PTPRD: variants seen among roughly 807,000 people sequenced by gnomAD.
PTPRD encodes protein tyrosine phosphatase receptor type D, also known as receptor-type tyrosine-protein phosphatase delta.
A neutral mutation model predicts 214.5 loss-of-function variants in PTPRD; 34 were observed. That is an observed-to-expected ratio of 0.16 (90% CI 0.12 to 0.21). The LOEUF is 0.21. Ranked by LOEUF, PTPRD falls within the 10% of genes least tolerant of loss-of-function variation. The probability of loss-of-function intolerance (pLI) is 1.00; values close to 1 mark genes in which losing one functional copy is unlikely to be tolerated. For synonymous variants in PTPRD, 1,128 were observed against 845.7 expected, an observed-to-expected ratio of 1.33 and a Z score of -5.79; for missense variants, 2,545 against 2,398.7, an observed-to-expected ratio of 1.06 and a Z score of -1.27.
rs564097232 is a variant in PTPRD, at chr9:8,465,354, A to T, written c.3714+112T>A. On this transcript the variant is annotated intron_variant, in intron 32 of 45. Transcript: ENST00000381196. Reference sequence around the variant, plus strand: ...GCAGCCTGTTATTACACTTAATAACAGTTCATGAGAAATAATGAGGATGGA... The same window carrying T: ...GCAGCCTGTTATTACACTTAATAACTGTTCATGAGAAATAATGAGGATGGA... The T allele has an allele frequency of 1.3e-5, 12 of 942,966 alleles. No individual in the cohort carries two copies. The East Asian group carries it at 2.9e-4, about 23-fold the overall frequency. The allele number at this position is 942,966 out of a possible 1,614,324, so 58.4% of individuals were successfully genotyped here. A position where few individuals can be genotyped will look rare whatever the true frequency, so the allele number is the denominator to read the frequency against.
intron 4 of PTPRD, among the ~76,000 whole-genome samples, chr9:9,989,261 C>T (rs568703801): frequency 3.1e-4 from 47 of 152,138 alleles, no homozygotes; most frequent in African/African-American, 1.0e-3. Context: ...TCTGGACCCA[C>T]GGCCTTAAAT....
chr9:9,404,286 A>T (rs1288386999), intron 8 of PTPRD, among the ~76,000 whole-genome samples: 1 of 152,110 alleles, frequency 6.6e-6, no homozygotes, highest in Admixed American at 6.6e-5. Context: ...ACTGAAAGCC[A>T]AGGAAGGAGC....
At chr9:9,789,563 C>A (rs914283609) in intron 5 of PTPRD, among the ~76,000 whole-genome samples, 1 of 151,660 alleles carries the variant, frequency 6.6e-6, no homozygotes, top group South Asian at 2.1e-4. Flanking sequence ...TTTGGGAGGC[C>A]GAGGCGGGCG....
At chr9:10,075,122 A>T (rs2098112379) in intron 3 of PTPRD, among the ~76,000 whole-genome samples, 1 of 152,126 alleles carries the variant, frequency 6.6e-6, no homozygotes, top group Non-Finnish European at 1.5e-5. Flanking sequence ...TCAGTGGATT[A>T]TATTCATTTC....
chr9:8,326,791 T>C (rs1391320261), intron 44 of PTPRD, among the ~76,000 whole-genome samples: 1 of 150,836 alleles, frequency 6.6e-6, no homozygotes, highest in African/African-American at 2.4e-5. Context: ...CTTGGGAGGG[T>C]GTACGTCTCC....
chr9:8,498,948 G>A (rs1395247769), intron 25 of PTPRD, among the ~76,000 whole-genome samples: 4 of 152,032 alleles, frequency 2.6e-5, no homozygotes, highest in East Asian at 1.9e-4. Flanking sequence ...TTATAAAACC[G>A]GGTTGTGATA....
intron 8 of PTPRD, among the ~76,000 whole-genome samples, chr9:9,507,201 T>C (rs1317038318): frequency 2.0e-5 from 3 of 151,236 alleles, no homozygotes; most frequent in Non-Finnish European, 1.5e-5. Flanking sequence ...ATAGTAAGCA[T>C]TATAATGTCA....
rs143570945 is a variant in PTPRD, at chr9:8,934,987, A to G, written c.-104+83710T>C. 5.9e-5 allele frequency among the ~76,000 whole-genome samples: 9 copies of G among 152,226 alleles called. No individual in the cohort carries two copies. The East Asian group carries it at 7.7e-4, about 13-fold the overall frequency. On this transcript the variant is annotated intron_variant, in intron 11 of 45. Coordinates refer to ENST00000381196, the MANE Select transcript of PTPRD (RefSeq NM_002839.4). ...GAATAATATTCCACTGTGTGTATAC[A>G]TATGTCTTTCTGTGTATATATACTT...
chr9:8,530,734 T>C (rs972169175), intron 14 of PTPRD, among the ~76,000 whole-genome samples: 1 of 152,064 alleles, frequency 6.6e-6, no homozygotes, highest in African/African-American at 2.4e-5. Context: ...ACCAGTTAAA[T>C]AGTTAGGGAC....
At chr9:8,998,742 C>A (rs992373348) in intron 11 of PTPRD, among the ~76,000 whole-genome samples, 3 of 152,126 alleles carry the variant, frequency 2.0e-5, no homozygotes, top group East Asian at 1.9e-4. Context: ...AAATCTAAAA[C>A]CTTCTGGAAA....
chr9:9,051,924 T>C (rs183840312), intron 10 of PTPRD, among the ~76,000 whole-genome samples: 22 of 152,344 alleles, frequency 1.4e-4, no homozygotes, highest in Admixed American at 1.2e-3. Flanking sequence ...CTAAAATAAA[T>C]GCAGCAAATT....
rs538382498 is a variant in PTPRD, at chr9:10,187,184, G to T, written c.-544-153394C>A. ...ATATCTTTCATGGTTAAAATGCTGT[G>T]TTTTTTTTAACCTTTCTGTCTCTTA... On this transcript the variant is annotated intron_variant, in intron 3 of 45. Transcript: ENST00000381196. Among the ~76,000 whole-genome samples the T allele has an allele frequency of 1.5e-3, 235 of 151,742 alleles. 3 individuals are homozygous for T. The South Asian group carries it at 0.016, about 11-fold the overall frequency.
intron 9 of PTPRD, among the ~76,000 whole-genome samples, chr9:9,244,798 A>G (rs2099972215): frequency 6.6e-6 from 1 of 152,176 alleles, no homozygotes; most frequent in Non-Finnish European, 1.5e-5. Context: ...GATCTCATTA[A>G]ACTAAAGAGC....
intron 10 of PTPRD, among the ~76,000 whole-genome samples, chr9:9,119,637 C>T (rs1395606611): frequency 6.6e-6 from 1 of 151,948 alleles, no homozygotes; most frequent in Non-Finnish European, 1.5e-5. Context: ...GATTCTCCTG[C>T]CTCAGCCTCC....
intron 12 of PTPRD, among the ~76,000 whole-genome samples, chr9:8,681,608 A>G (rs1437452279): frequency 6.6e-6 from 1 of 152,150 alleles, no homozygotes; most frequent in East Asian, 1.9e-4. Flanking sequence ...TCTCCAACCA[A>G]GATCAGGTTA....
intron 11 of PTPRD, among the ~76,000 whole-genome samples, chr9:8,787,723 G>C (rs1469642248): frequency 3.3e-5 from 5 of 152,066 alleles, no homozygotes; most frequent in Non-Finnish European, 5.9e-5. Flanking sequence ...GAAGACAGGA[G>C]AGAGGTCCCT....
intron 11 of PTPRD, among the ~76,000 whole-genome samples, chr9:8,906,437 G>A (rs2098708282): frequency 6.6e-6 from 1 of 152,116 alleles, no homozygotes; most frequent in African/African-American, 2.4e-5. Flanking sequence ...ATATAGTTCA[G>A]TTTTCTCACC....
intron 8 of PTPRD, among the ~76,000 whole-genome samples, chr9:9,428,680 G>T (rs1174961734): frequency 6.6e-6 from 1 of 152,124 alleles, no homozygotes; most frequent in Non-Finnish European, 1.5e-5. Context: ...AAATGTAAAA[G>T]AACAGAAATT....
intron 12 of PTPRD, among the ~76,000 whole-genome samples, chr9:8,719,034 C>G (rs1478175820): frequency 6.6e-6 from 1 of 152,140 alleles, no homozygotes; most frequent in Non-Finnish European, 1.5e-5. Context: ...TGAAACCAAT[C>G]TCAGGCTTCG....
Sources: allele counts gnomAD v4.1 joint callset (sites outside exome capture counted in the v4.1 genomes callset), GRCh38; gene constraint gnomAD v4.1.1; transcripts MANE v1.5; gene names NCBI Gene and HGNC (gene_info 2026-07-23, HGNC 2026-07-21).